Variants in GPM6B observed in about 807,000 individuals in gnomAD.
GPM6B encodes the protein neuronal membrane glycoprotein M6-b.
Under a neutral mutation model 27.2 loss-of-function variants are expected in GPM6B, and 4 were observed. The observed-to-expected ratio is 0.15, with a 90% CI of 0.07 to 0.34. The LOEUF (loss-of-function observed/expected upper bound fraction) is 0.34, where lower values mean the gene tolerates loss of function less well. Ranked by LOEUF, GPM6B falls within the 10% of genes least tolerant of loss-of-function variation. The pLI is 1.00. For synonymous variants in GPM6B, 124 were observed against 103.1 expected (o/e 1.20, Z -1.23); for missense variants, 183 against 261.9 (o/e 0.70, Z 2.08).
chrX:13,798,836 G>C (rs1302097027), intron 2 of GPM6B, among the ~76,000 whole-genome samples: 1 of 111,980 alleles, frequency 8.9e-6, no homozygotes, highest in African/African-American at 3.3e-5. Context: ...TGCACTGTAG[G>C]ATGTTTAGCA....
intron 1 of GPM6B, among the ~76,000 whole-genome samples, chrX:13,907,566 C>T (rs923279574): frequency 3.6e-5 from 4 of 110,665 alleles, no homozygotes; most frequent in African/African-American, 1.3e-4. Context: ...GCCTGTAATC[C>T]CAGTGAGGCA....
chrX:13,773,142 TAATA>T (rs1293091769), intron 7 of GPM6B, 112 bp from the exon 8 acceptor site: 6 of 581,115 alleles, frequency 1.0e-5, no homozygotes, highest in African/African-American at 9.1e-5. Flanking sequence ...AATTCTGTAT[TAATA>T]AATACTCGCT....
chrX:13,825,066 C>G (rs182624646), intron 1 of GPM6B, among the ~76,000 whole-genome samples: 42 of 111,864 alleles, frequency 3.8e-4, no homozygotes, highest in Middle Eastern at 4.6e-3. Context: ...TATAAGGACA[C>G]CAGTCACATT....
intron 1 of GPM6B, among the ~76,000 whole-genome samples, chrX:13,844,995 T>C (rs1014938133): frequency 7.6e-5 from 8 of 105,874 alleles, no homozygotes; most frequent in Admixed American, 2.0e-4. Flanking sequence ...TCTTTTTCTT[T>C]TTTTTTTTTT....
chrX:13,907,499 C>T (rs761269541), intron 1 of GPM6B, among the ~76,000 whole-genome samples: 3 of 111,655 alleles, frequency 2.7e-5, no homozygotes, highest in Admixed American at 9.5e-5. Flanking sequence ...GCCTGACCAA[C>T]ATGGTGAAAC....
chrX:13,826,339 C>G (rs749336907), intron 1 of GPM6B, among the ~76,000 whole-genome samples: 9 of 110,995 alleles, frequency 8.1e-5, no homozygotes, highest in Non-Finnish European at 1.7e-4. Context: ...CCCAACATGA[C>G]AGAGCCACAC....
chrX:13,891,026 A>C (rs1053144531), intron 1 of GPM6B, among the ~76,000 whole-genome samples: 6 of 111,411 alleles, frequency 5.4e-5, no homozygotes, highest in Non-Finnish European at 1.1e-4. Context: ...TGGCATCAGT[A>C]GTTTTTAAAG....
At chrX:13,774,357 C>T in intron 7 of GPM6B, 17 of 1,009,162 alleles carry the variant, frequency 1.7e-5, no homozygotes, top group Non-Finnish European at 2.1e-5. Context: ...AAATAGCCAC[C>T]AGATCTCATT....
At chrX:13,881,204 TAG>T (rs1381069198) in intron 1 of GPM6B, among the ~76,000 whole-genome samples, 13 of 111,671 alleles carry the variant, frequency 1.2e-4, no homozygotes, top group Non-Finnish European at 2.4e-4. Context: ...AAGTGGAGCA[TAG>T]AGAGTGTGAA....
chrX:13,775,862 A>G (rs983380865), intron 7 of GPM6B, among the ~76,000 whole-genome samples: 2 of 112,333 alleles, frequency 1.8e-5, no homozygotes, highest in East Asian at 5.5e-4. Context: ...GTATATGTGC[A>G]TATCTCCACT....
At chrX:13,836,632 C>G (rs774746084) in intron 1 of GPM6B, among the ~76,000 whole-genome samples, 25 of 112,309 alleles carry the variant, frequency 2.2e-4, no homozygotes, top group African/African-American at 5.5e-4. Flanking sequence ...TGTTTCACAC[C>G]TAAAGCATAC....
At chrX:13,892,426 A>G (rs748718026) in intron 1 of GPM6B, among the ~76,000 whole-genome samples, 1 of 112,119 alleles carries the variant, frequency 8.9e-6, no homozygotes, top group Non-Finnish European at 1.9e-5. Flanking sequence ...AAAAGCCACA[A>G]TTACTTTTGC....
intron 1 of GPM6B, among the ~76,000 whole-genome samples, chrX:13,854,844 A>G (rs1427750383): frequency 8.9e-6 from 1 of 111,989 alleles, no homozygotes; most frequent in African/African-American, 3.2e-5. Context: ...TAGTATACAG[A>G]GGTTTGTGAG....
chrX:13,792,897 T>TAA lies in GPM6B; in HGVS notation c.182-7091_182-7090dup, dbSNP rs748291980. The stretch of plus-strand genomic sequence containing the variant: ...CCTGGCGACAGAGCGAGACTCCGTT[T>TAA]AAAAAAAAAAAAAAAAAAAAATTCT... On this transcript the variant is annotated intron_variant, in intron 2 of 7. Coordinates refer to ENST00000316715, the MANE Select transcript of GPM6B (RefSeq NM_001001995.3). 6.7e-3 allele frequency among the ~76,000 whole-genome samples: 546 copies of TAA among 80,921 alleles called. 6 individuals carry two copies. The highest frequency in any genetic ancestry group is 0.014 in the East Asian group (34 of 2,444). 70.3% of individuals were successfully genotyped at this position (80,921 alleles called of 115,157 possible).
intron 1 of GPM6B, among the ~76,000 whole-genome samples, chrX:13,861,753 GAAGT>G (rs2049855738): frequency 1.8e-5 from 2 of 111,964 alleles, no homozygotes; most frequent in African/African-American, 6.5e-5. Context: ...TCAATTAACA[GAAGT>G]AATATACACA....
chrX:13,772,637 C>T lies in GPM6B; in HGVS notation c.*244G>A, dbSNP rs2048322149. 1.6e-5 allele frequency: 5 copies of T among 319,267 alleles called. No individual in the cohort carries two copies. Among genetic ancestry groups the T allele is most frequent in the Non-Finnish European group, 2.8e-5 (5 of 180,618 alleles). The allele number at this position is 319,267 out of a possible 1,213,427, so 26.3% of individuals were successfully genotyped here. A position where few individuals can be genotyped will look rare whatever the true frequency, so the allele number is the denominator to read the frequency against. Reference sequence around the variant, plus strand: ...ATGCCACAAATTCCCAAAGTATGAACGATCATTTTGTCAAAGTGTTGCCTT... The same window carrying T: ...ATGCCACAAATTCCCAAAGTATGAATGATCATTTTGTCAAAGTGTTGCCTT... On this transcript the variant is annotated 3_prime_UTR_variant, in exon 8 of 8. Transcript: ENST00000316715.
At chrX:13,893,192 G>A (rs1387559497) in intron 1 of GPM6B, among the ~76,000 whole-genome samples, 2 of 111,790 alleles carry the variant, frequency 1.8e-5, no homozygotes, top group African/African-American at 6.5e-5. Flanking sequence ...TGAATTGGCA[G>A]TTGTGTTTAT....
chrX:13,866,384 C>T (rs1164624564), intron 1 of GPM6B, among the ~76,000 whole-genome samples: 1 of 112,005 alleles, frequency 8.9e-6, no homozygotes, highest in Non-Finnish European at 1.9e-5. Flanking sequence ...GAAGAGGTCA[C>T]TCAATGGGTA....
rs1045532823 is a variant in GPM6B, at chrX:13,772,764, A to C, written c.*117T>G. ...TACATCCCAGCAGCTTGAGACAGAC[A>C]GTGAAGTGTTTGTACATCTACATTA... On this transcript the variant is annotated 3_prime_UTR_variant, in exon 8 of 8. Transcript: ENST00000316715. 30 of 630,309 alleles carry C rather than the reference A, an allele frequency of 4.8e-5. No homozygotes were observed. Among genetic ancestry groups the C allele is most frequent in the Admixed American group, 6.0e-5 (2 of 33,324 alleles). The allele number at this position is 630,309 out of a possible 1,213,427, so 51.9% of individuals were successfully genotyped here.
Sources: allele counts gnomAD v4.1 joint callset (sites outside exome capture counted in the v4.1 genomes callset), GRCh38; gene constraint gnomAD v4.1.1; transcripts MANE v1.5; gene names NCBI Gene and HGNC (gene_info 2026-07-23, HGNC 2026-07-21).